CDK12: variants seen among roughly 807,000 people sequenced by gnomAD.
The protein encoded by CDK12 is cyclin dependent kinase 12.
A neutral mutation model predicts 133.8 loss-of-function variants in CDK12; 17 were observed. The ratio of observed to expected loss-of-function variants is 0.13; its 90% CI spans 0.09 to 0.19. The LOEUF (loss-of-function observed/expected upper bound fraction) is 0.19. Ranked by LOEUF, CDK12 falls within the 10% of genes least tolerant of loss-of-function variation. The pLI, the probability that CDK12 is intolerant of heterozygous loss-of-function variation, is 1.00. For synonymous variants in CDK12, 694 were observed against 683.6 expected, an observed-to-expected ratio of 1.02 and a Z score of -0.24; for missense variants, 1,508 against 1,818.7, an observed-to-expected ratio of 0.83 and a Z score of 3.11.
chr17:39,548,233 C>T (rs896586639), upstream of CDK12, among the ~76,000 whole-genome samples: 4 of 152,116 alleles, frequency 2.6e-5, no homozygotes, highest in African/African-American at 9.7e-5. Flanking sequence ...AAAAGTGAGA[C>T]AAATATTTGG....
chr17:39,537,452 G>GCAA (rs2055182768), downstream of CDK12, among the ~76,000 whole-genome samples: 1 of 152,096 alleles, frequency 6.6e-6, no homozygotes, highest in African/African-American at 2.4e-5. Flanking sequence ...AGAAAATGAA[G>GCAA]CAATATAAGA....
At position 39,532,087 on chromosome 17, in the gene CDK12, G is replaced by C. The variant is rs1053001604; in HGVS notation, c.*771G>C. The C allele has an allele frequency of 5.1e-6, 1 of 196,294 alleles. No homozygotes were observed. The highest frequency in any genetic ancestry group is 3.3e-5 in the African/African-American group (1 of 30,146). 12.2% of individuals were successfully genotyped at this position (196,294 alleles called of 1,614,324 possible). A position where few individuals can be genotyped will look rare whatever the true frequency, so the allele number is the denominator to read the frequency against. ...TCTCTTTCCTTTTTTGCTGATGTGT[G>C]CTCTCTCTCTCTCTTTCTCTCTCTC... On this transcript the variant is annotated 3_prime_UTR_variant, in exon 14 of 14. Coordinates refer to ENST00000447079, the MANE Select transcript of CDK12 (RefSeq NM_016507.4).
At chr17:39,488,516 T>C (rs897106919) in intron 2 of CDK12, among the ~76,000 whole-genome samples, 1 of 152,120 alleles carries the variant, frequency 6.6e-6, no homozygotes, top group South Asian at 2.1e-4. Context: ...TATATTTCTA[T>C]TTTTTTGTAA....
Position 39,533,811 on chromosome 17 carries a change from TTTAAA to T in CDK12, c.*2497_*2501del, listed in dbSNP as rs1313311698. The T allele has an allele frequency of 4.3e-6, 1 of 232,342 alleles. No individual in the cohort carries two copies. Among genetic ancestry groups the T allele is most frequent in the Non-Finnish European group, 8.5e-6 (1 of 117,526 alleles). 14.4% of individuals were successfully genotyped at this position (232,342 alleles called of 1,614,324 possible). A position where few individuals can be genotyped will look rare whatever the true frequency, so the allele number is the denominator to read the frequency against. Reference sequence around the variant, plus strand: ...AAAGCAGAGGAGAAAAAAAAACTTATTTAAATATCCTGGAATCTGTATGGAGGAAG... The same window carrying T: ...AAAGCAGAGGAGAAAAAAAAACTTATTATCCTGGAATCTGTATGGAGGAAG... On this transcript the variant is annotated 3_prime_UTR_variant, in exon 14 of 14. Coordinates refer to ENST00000447079, the MANE Select transcript of CDK12 (RefSeq NM_016507.4).
intron 7 of CDK12, 114 bp from the exon 8 acceptor site, chr17:39,511,415 T>C (rs1282709212): frequency 3.1e-6 from 2 of 640,956 alleles, no homozygotes; most frequent in Non-Finnish European, 5.5e-6. Context: ...GCTCTGGATT[T>C]GTTTTTCAGT....
intron 2 of CDK12, among the ~76,000 whole-genome samples, chr17:39,489,861 A>C (rs2051445200): frequency 6.8e-6 from 1 of 147,206 alleles, no homozygotes; most frequent in Non-Finnish European, 1.5e-5. Context: ...GGTGGTCTCA[A>C]ACTCCTGGCC....
chr17:39,559,675 G>A (rs966685268), intron 3 of CDK12, among the ~76,000 whole-genome samples: 1 of 151,898 alleles, frequency 6.6e-6, no homozygotes, highest in Non-Finnish European at 1.5e-5. Flanking sequence ...CTGCAGCCTT[G>A]AAAGCCTGGG....
intron 3 of CDK12, among the ~76,000 whole-genome samples, chr17:39,557,562 A>G (rs2056206424): frequency 6.6e-6 from 1 of 152,202 alleles, no homozygotes; most frequent in Admixed American, 6.5e-5. Context: ...AGGAAAAAGC[A>G]TCAGATTTTA....
At chr17:39,468,361 C>CAT (rs1377408844) in intron 1 of CDK12, among the ~76,000 whole-genome samples, 2 of 152,118 alleles carry the variant, frequency 1.3e-5, no homozygotes, top group African/African-American at 2.4e-5. Context: ...TCAGTCTTAC[C>CAT]ATATCTCCCT....
upstream of CDK12, chr17:39,548,990 C>T (rs1008016466): frequency 2.0e-5 from 3 of 152,256 alleles, no homozygotes; most frequent in South Asian, 2.1e-4. Context: ...CCCAGCACCC[C>T]GAGCAGAGCA....
At chr17:39,526,463 A>G in intron 13 of CDK12, 147 bp downstream of exon 13, 1 of 652,098 alleles carries the variant, frequency 1.5e-6, no homozygotes, top group South Asian at 2.0e-5. Context: ...GCACCAAGTA[A>G]TGTATTTCTT....
intron 5 of CDK12, among the ~76,000 whole-genome samples, chr17:39,495,403 T>C (rs1027890702): frequency 2.0e-5 from 3 of 149,214 alleles, no homozygotes; most frequent in African/African-American, 7.4e-5. Flanking sequence ...TTTTTTTTTT[T>C]TTTTTTTTTT....
At chr17:39,562,688 GAA>G (rs1173744101) in intron 3 of CDK12, among the ~76,000 whole-genome samples, 1 of 151,746 alleles carries the variant, frequency 6.6e-6, no homozygotes, top group Non-Finnish European at 1.5e-5. Context: ...TTTGGCACTG[GAA>G]AAAAAAGTTT....
chr17:39,469,107 T>A (rs1384344203), intron 1 of CDK12, among the ~76,000 whole-genome samples: 1 of 152,198 alleles, frequency 6.6e-6, no homozygotes, highest in Non-Finnish European at 1.5e-5. Flanking sequence ...ATTACAGGCG[T>A]GAGCCACAGC....
rs145946465 is a variant in CDK12 at position 39,533,681 on chromosome 17, G to A, written c.*2365G>A. On this transcript the variant is annotated 3_prime_UTR_variant, in exon 14 of 14. Transcript: ENST00000447079. ...TCATCCCTACTAGGGAAGGGGGTGA[G>A]TGTATGTGTGAGTGTATGTGTATGT... 4.0e-4 allele frequency: 93 copies of A among 232,820 alleles called. 2 individuals carry two copies. The East Asian group carries it at 5.2e-3, about 13-fold the overall frequency. 14.4% of individuals were successfully genotyped at this position (232,820 alleles called of 1,614,324 possible). A position where few individuals can be genotyped will look rare whatever the true frequency, so the allele number is the denominator to read the frequency against.
intron 1 of CDK12, among the ~76,000 whole-genome samples, chr17:39,542,535 G>A (rs754644128): frequency 3.4e-5 from 5 of 149,084 alleles, no homozygotes; most frequent in African/African-American, 7.4e-5. Context: ...TTGAAACGGC[G>A]TTTCATTCTT....
chr17:39,473,840 G>A (rs760139770), intron 2 of CDK12, among the ~76,000 whole-genome samples: 5 of 151,600 alleles, frequency 3.3e-5, no homozygotes, highest in South Asian at 2.1e-4. Flanking sequence ...AGCTGAGATC[G>A]TGCCACTGCC....
chr17:39,563,809 G>C (rs1039988965), intron 3 of CDK12, among the ~76,000 whole-genome samples: 48 of 149,068 alleles, frequency 3.2e-4, no homozygotes, highest in Non-Finnish European at 4.8e-4. Flanking sequence ...GGAGAGAAGG[G>C]GGAAAAACCA....
At chr17:39,476,724 T>A (rs918457445) in intron 2 of CDK12, among the ~76,000 whole-genome samples, 2 of 113,104 alleles carry the variant, frequency 1.8e-5, no homozygotes, top group African/African-American at 3.5e-5. Flanking sequence ...TTTTTTTTTT[T>A]TTTTTTTTTT....
Sources: gnomAD v4.1 joint callset for allele counts (sites outside exome capture counted in the v4.1 genomes callset) on GRCh38, gnomAD v4.1.1 for gene constraint, MANE v1.5 for transcripts, NCBI Gene and HGNC (gene_info 2026-07-23, HGNC 2026-07-21) for gene names.